The following MYO1H variants were observed in gnomAD, a reference collection of about 807,000 sequenced individuals.
The protein encoded by MYO1H is unconventional myosin-Ih.
In MYO1H, 118 loss-of-function variants were observed where a neutral mutation model predicts 149.3. The ratio of observed to expected loss-of-function variants is 0.79; its 90% confidence interval spans 0.68 to 0.92. The LOEUF (loss-of-function observed/expected upper bound fraction) is 0.92, where lower values mean the gene tolerates loss of function less well. Among genes scored for constraint, MYO1H ranks in the 40% least tolerant of loss-of-function variants. The pLI is 0.00. For synonymous variants in MYO1H, 447 were observed against 465.2 expected, an observed-to-expected ratio of 0.96 and a Z score of 0.50; for missense variants, 1,212 against 1,280.7, an observed-to-expected ratio of 0.95 and a Z score of 0.82.
intron 1 of MYO1H, among the ~76,000 whole-genome samples, chr12:109,387,686 G>T (rs1869412579): frequency 6.6e-6 from 1 of 152,210 alleles, no homozygotes; most frequent in Admixed American, 6.5e-5. Context: ...CACTAACCGT[G>T]TGCCCAGAGC....
At position 109,444,426 on chromosome 12, in the gene MYO1H, C is replaced by G; in HGVS notation, c.2896-6C>G. 1 of 1,612,362 alleles carries G rather than the reference C, an allele frequency of 6.2e-7. No homozygotes were observed. Among genetic ancestry groups the G allele is most frequent in the Non-Finnish European group, 8.5e-7 (1 of 1,178,480 alleles). On this transcript the variant is annotated splice_region_variant and splice_polypyrimidine_tract_variant and intron_variant, in intron 29 of 31. Transcript: ENST00000310903. ...GAAATTATGCCTTGTCTCCTCCCCA[C>G]CCCAGGGGGATGCCGTTTTGCAGTG...
chr12:109,447,689 G>A (rs1448284465), exon 32 of MYO1H: 1 of 176,966 alleles, frequency 5.7e-6, no homozygotes, highest in African/African-American at 2.3e-5. Flanking sequence ...CGTCCCCAAG[G>A]TGTGTGTGTC....
chr12:109,338,247 A>G, the MYO1H span, among the ~76,000 whole-genome samples: 1 of 152,126 alleles, frequency 6.6e-6, no homozygotes, highest in South Asian at 2.1e-4. Context: ...AAAACCATTT[A>G]GAATACCAAC....
At chr12:109,395,635 C>T (rs1020689515) in intron 3 of MYO1H, among the ~76,000 whole-genome samples, 11 of 151,376 alleles carry the variant, frequency 7.3e-5, no homozygotes, top group Non-Finnish European at 1.2e-4. Context: ...CTCGGGAGAC[C>T]GTGGCATGAG....
At chr12:109,428,315 CAA>C (rs1400696909) in intron 19 of MYO1H, among the ~76,000 whole-genome samples, 2 of 152,222 alleles carry the variant, frequency 1.3e-5, no homozygotes, top group East Asian at 3.9e-4. Flanking sequence ...AACGGGCTGT[CAA>C]GAGCAGCAGG....
At chr12:109,373,158 G>A (rs1026725205) in intron 1 of MYO1H, among the ~76,000 whole-genome samples, 3 of 152,064 alleles carry the variant, frequency 2.0e-5, no homozygotes, top group African/African-American at 7.2e-5. Flanking sequence ...CTTGGAAATA[G>A]TAATCAGCAG....
At chr12:109,437,320 ATATATT>A (rs1220302512) in intron 22 of MYO1H, among the ~76,000 whole-genome samples, 4 of 152,044 alleles carry the variant, frequency 2.6e-5, no homozygotes, top group Non-Finnish European at 5.9e-5. Flanking sequence ...TCTCTAAATA[ATATATT>A]TATAATTTAG....
intron 16 of MYO1H, among the ~76,000 whole-genome samples, chr12:109,421,792 C>T (rs1313217888): frequency 6.6e-6 from 1 of 152,096 alleles, no homozygotes; most frequent in Non-Finnish European, 1.5e-5. Flanking sequence ...TTTGCCTTTC[C>T]ATATATCTCA....
chr12:109,328,822 G>A, the MYO1H span, among the ~76,000 whole-genome samples: 36 of 152,118 alleles, frequency 2.4e-4, no homozygotes, highest in Admixed American at 2.3e-3. Flanking sequence ...TGTTTAAGGT[G>A]TACAATGTGA....
chr12:109,404,021 G>T, exon 7 of MYO1H: 1 of 1,613,782 alleles, frequency 6.2e-7, no homozygotes, highest in Non-Finnish European at 8.5e-7. Context: ...TGACAAGAAT[G>T]ACTGGAAAAC....
chr12:109,333,710 C>G, the MYO1H span, among the ~76,000 whole-genome samples: 1 of 152,118 alleles, frequency 6.6e-6, no homozygotes, highest in Non-Finnish European at 1.5e-5. Context: ...CAATACACAC[C>G]CAAGCATGCT....
chr12:109,351,573 T>C (rs1868462475), intron 1 of MYO1H, among the ~76,000 whole-genome samples: 1 of 152,236 alleles, frequency 6.6e-6, no homozygotes, highest in South Asian at 2.1e-4. Flanking sequence ...TCTAAAGAGA[T>C]TGTAAATTCC....
the MYO1H span, among the ~76,000 whole-genome samples, chr12:109,324,249 G>A: frequency 1.3e-5 from 2 of 152,154 alleles, no homozygotes; most frequent in Non-Finnish European, 2.9e-5. Flanking sequence ...ACAGCTTGGC[G>A]GCCTCAGGGG....
At chr12:109,408,087 A>AT in intron 10 of MYO1H, 174 bp downstream of exon 10, 1 of 765,330 alleles carries the variant, frequency 1.3e-6, no homozygotes. Flanking sequence ...GTGCATGCCG[A>AT]ATGACTTATA....
At chr12:109,446,755 C>T (rs1481501257) in intron 31 of MYO1H, among the ~76,000 whole-genome samples, 5 of 152,194 alleles carry the variant, frequency 3.3e-5, no homozygotes, top group African/African-American at 1.2e-4. Flanking sequence ...TAGAGTGAGA[C>T]TCCATCTCAA....
At chr12:109,406,627 A>G (rs11066505) in intron 8 of MYO1H, among the ~76,000 whole-genome samples, 162 bp from the exon 9 acceptor site, 77,763 of 151,818 alleles carry the variant, frequency 0.51, 20,859 homozygotes, top group African/African-American at 0.66. Context: ...TCCAGCCTGG[A>G]TGACAGAGTG....
rs150787413 is a variant in MYO1H, at chr12:109,392,180, C to T, written c.175-1151C>T. ...AGGGGAGTGTGGTATCTCTGCCATC[C>T]ACTGCATTTAGAATAAAACCCCAAT... On this transcript the variant is annotated intron_variant, in intron 2 of 31. Coordinates refer to ENST00000310903, the Ensembl canonical transcript of MYO1H. 1.5e-3 allele frequency among the ~76,000 whole-genome samples: 226 copies of T among 152,250 alleles called. 2 individuals carry two copies. The highest frequency in any genetic ancestry group is 5.2e-3 in the African/African-American group (215 of 41,542).
chr12:109,418,988 A>G (rs73407545), intron 15 of MYO1H, among the ~76,000 whole-genome samples: 1,777 of 152,322 alleles, frequency 0.012, 46 homozygotes, highest in African/African-American at 0.041. Flanking sequence ...TGTGCAGATA[A>G]TCCGTTTATT....
chr12:109,351,800 G>A (rs1365575640), intron 1 of MYO1H, among the ~76,000 whole-genome samples: 3 of 152,182 alleles, frequency 2.0e-5, no homozygotes, highest in African/African-American at 4.8e-5. Context: ...TGGAGTAAAT[G>A]TTTCTAATAG....
Sources: gnomAD v4.1 joint callset for allele counts (sites outside exome capture counted in the v4.1 genomes callset) on GRCh38, gnomAD v4.1.1 for gene constraint, MANE v1.5 for transcripts, NCBI Gene and HGNC (gene_info 2026-07-23, HGNC 2026-07-21) for gene names.